Variants in TMPRSS15 observed in about 807,000 individuals in gnomAD.
TMPRSS15 encodes the protein enteropeptidase.
In TMPRSS15, 128 loss-of-function variants were observed where a neutral mutation model predicts 125.3. The ratio of observed to expected loss-of-function variants is 1.02; its 90% confidence interval spans 0.89 to 1.18. The LOEUF is 1.18. Ranked by LOEUF, TMPRSS15 falls within the 50% of genes most tolerant of loss-of-function variation. The probability of loss-of-function intolerance (pLI) is 0.00; values close to 1 mark genes in which losing one functional copy is unlikely to be tolerated. For synonymous variants in TMPRSS15, 446 were observed against 423.2 expected (o/e 1.05, Z -0.66); for missense variants, 1,283 against 1,212.7 (o/e 1.06, Z -0.86).
intron 8 of TMPRSS15, among the ~76,000 whole-genome samples, chr21:18,359,524 A>C (rs1000666127): frequency 2.7e-5 from 4 of 150,586 alleles, no homozygotes; most frequent in African/African-American, 9.7e-5. Context: ...ATTTCACATA[A>C]TTTTTAAGAT....
At chr21:18,456,753 T>C (rs915187864) in intron 1 of TMPRSS15, among the ~76,000 whole-genome samples, 1 of 152,098 alleles carries the variant, frequency 6.6e-6, no homozygotes. Flanking sequence ...AATCAAAGCA[T>C]ACACTTGGAA....
chr21:18,329,130 A>G, intron 15 of TMPRSS15, 39 bp downstream of exon 15: 1 of 1,608,908 alleles, frequency 6.2e-7, no homozygotes, highest in South Asian at 1.1e-5. Context: ...CAACATCTTG[A>G]GCTTTACAAC....
chr21:18,416,854 A>G (rs2076181555), intron 1 of TMPRSS15, among the ~76,000 whole-genome samples: 1 of 152,032 alleles, frequency 6.6e-6, no homozygotes, highest in African/African-American at 2.4e-5. Context: ...CACATTTTCT[A>G]TGCTCTTTAC....
intron 13 of TMPRSS15, among the ~76,000 whole-genome samples, chr21:18,340,467 TG>T (rs1175531760): frequency 1.3e-5 from 2 of 152,140 alleles, no homozygotes; most frequent in African/African-American, 4.8e-5. Flanking sequence ...GCTCTAAGCT[TG>T]CAGATGGCCT....
intron 1 of TMPRSS15, among the ~76,000 whole-genome samples, chr21:18,439,910 T>C (rs1034275180): frequency 6.6e-6 from 1 of 152,168 alleles, no homozygotes; most frequent in Non-Finnish European, 1.5e-5. Context: ...AGATCTTAGA[T>C]AATGACTTCA....
chr21:18,329,329 C>T (rs745561876), intron 14 of TMPRSS15, 35 bp from the exon 15 acceptor site: 5 of 1,594,434 alleles, frequency 3.1e-6, no homozygotes, highest in East Asian at 2.3e-5. Context: ...ATTTGGAACA[C>T]ACTTGGTGAT....
intron 24 of TMPRSS15, among the ~76,000 whole-genome samples, chr21:18,272,511 A>G (rs10084582): frequency 0.29 from 44,170 of 151,886 alleles, 9,188 homozygotes; most frequent in African/African-American, 0.59. Flanking sequence ...ATCACCTGAG[A>G]TCAGGAGTTC....
rs757469008 is a variant in TMPRSS15, at chr21:18,383,718, A to G, written c.405T>C (p.Asn135=). The change falls in exon 4 of 25, where the codon AAT becomes AAC. Residue 135 remains asparagine, a synonymous_variant. Coordinates refer to ENST00000284885, the MANE Select transcript of TMPRSS15 (RefSeq NM_002772.3). ...LFFAQWVSDE[N]VKEELIQGLE... Reference sequence around the variant, plus strand: ...GGCCTTGAATCAGTTCTTCTTTTACATTTTCATCTGACACCCACTGGGCAA... The same window carrying G: ...GGCCTTGAATCAGTTCTTCTTTTACGTTTTCATCTGACACCCACTGGGCAA... 1.9e-6 allele frequency: 3 copies of G among 1,613,902 alleles called. No homozygotes were observed. The Admixed American group carries it at 5.0e-5, about 27-fold the overall frequency.
At chr21:18,368,503 T>A (rs1335104069) in intron 6 of TMPRSS15, among the ~76,000 whole-genome samples, 1 of 152,152 alleles carries the variant, frequency 6.6e-6, no homozygotes, top group Non-Finnish European at 1.5e-5. Flanking sequence ...TTGTGAAGGA[T>A]CCAGTAGAGG....
At chr21:18,344,977 G>A (rs192417800) in intron 10 of TMPRSS15, among the ~76,000 whole-genome samples, 2 of 152,144 alleles carry the variant, frequency 1.3e-5, no homozygotes, top group Admixed American at 1.3e-4. Flanking sequence ...TATAGGCAAT[G>A]TTGCATATAA....
At chr21:18,359,182 T>C (rs1045310629) in intron 8 of TMPRSS15, among the ~76,000 whole-genome samples, 5 of 152,040 alleles carry the variant, frequency 3.3e-5, no homozygotes, top group African/African-American at 4.8e-5. Flanking sequence ...AACATATTAC[T>C]AGGGCATTCC....
chr21:18,464,816 A>G (rs2122954929), intron 1 of TMPRSS15, among the ~76,000 whole-genome samples: 1 of 152,290 alleles, frequency 6.6e-6, no homozygotes, highest in South Asian at 2.1e-4. Context: ...TTCACAGCCA[A>G]TTTCTACCAG....
chr21:18,461,902 G>A (rs1978558251), intron 1 of TMPRSS15, among the ~76,000 whole-genome samples: 1 of 151,952 alleles, frequency 6.6e-6, no homozygotes, highest in Non-Finnish European at 1.5e-5. Flanking sequence ...TTCTTTCTAT[G>A]TCTTTGGTTA....
At chr21:18,364,253 T>C (rs2075705621) in intron 7 of TMPRSS15, among the ~76,000 whole-genome samples, 1 of 152,138 alleles carries the variant, frequency 6.6e-6, no homozygotes, top group African/African-American at 2.4e-5. Context: ...TGGTAAACCA[T>C]AATCCCATCT....
upstream of TMPRSS15, among the ~76,000 whole-genome samples, chr21:18,407,276 A>C (rs1029724518): frequency 2.6e-5 from 4 of 152,120 alleles, no homozygotes; most frequent in African/African-American, 4.8e-5. Flanking sequence ...CAGTTAGAGG[A>C]GTAGGACATG....
At chr21:18,413,895 CTTTT>C (rs1435991298) in intron 1 of TMPRSS15, among the ~76,000 whole-genome samples, 8 of 152,058 alleles carry the variant, frequency 5.3e-5, no homozygotes, top group Middle Eastern at 3.4e-3. Context: ...TCCTGGCCAC[CTTTT>C]TTATTTTTTG....
intron 1 of TMPRSS15, among the ~76,000 whole-genome samples, chr21:18,418,226 C>T (rs2076184576): frequency 6.6e-6 from 1 of 152,116 alleles, no homozygotes; most frequent in South Asian, 2.1e-4. Flanking sequence ...AGACGATACC[C>T]AAAATACAGT....
At chr21:18,348,221 T>C (rs1225713352) in intron 10 of TMPRSS15, among the ~76,000 whole-genome samples, 1 of 151,918 alleles carries the variant, frequency 6.6e-6, no homozygotes, top group Admixed American at 6.6e-5. Flanking sequence ...GAATACACTT[T>C]GTTTACTTAA....
chr21:18,324,376 A>G (rs1443032245), intron 16 of TMPRSS15, among the ~76,000 whole-genome samples: 1 of 152,124 alleles, frequency 6.6e-6, no homozygotes, highest in Admixed American at 6.6e-5. Context: ...TGTTCTGCAC[A>G]AGAGGTTTTG....
Sources: gnomAD v4.1 joint callset for allele counts (sites outside exome capture counted in the v4.1 genomes callset) on GRCh38, gnomAD v4.1.1 for gene constraint, MANE v1.5 for transcripts, NCBI Gene and HGNC (gene_info 2026-07-23, HGNC 2026-07-21) for gene names.